Variants in RDH12 observed in about 807,000 individuals in gnomAD.
RDH12 encodes the protein retinol dehydrogenase 12.
In RDH12, 21 loss-of-function variants were observed where a neutral mutation model predicts 34.0. The observed-to-expected ratio is 0.62, with a 90% CI of 0.44 to 0.89. The LOEUF is 0.89. Among genes scored for constraint, RDH12 ranks in the 40% least tolerant of loss-of-function variants. The pLI, the probability that RDH12 is intolerant of heterozygous loss-of-function variation, is 0.00. For missense variants in RDH12, 394 were observed against 398.6 expected, an observed-to-expected ratio of 0.99 and a Z score of 0.10; for synonymous variants, 198 against 169.9, an observed-to-expected ratio of 1.17 and a Z score of -1.29.
rs143545860 is a variant in RDH12, at chr14:67,732,075, C to T, written c.849-1671C>T. ...CTGGGAGGCGGAGGCTGCAGTAAGCCGAGATCACTCCACTGCACTCCAGCC... is the reference window on the plus strand; with the variant it reads ...CTGGGAGGCGGAGGCTGCAGTAAGCTGAGATCACTCCACTGCACTCCAGCC... On this transcript the variant is annotated intron_variant, in intron 8 of 8. Transcript: ENST00000551171. Among the ~76,000 whole-genome samples, 483 of 147,416 alleles carry T rather than the reference C, an allele frequency of 3.3e-3. 4 individuals are homozygous for T. Among genetic ancestry groups the T allele is most frequent in the African/African-American group, 0.012 (460 of 39,624 alleles).
chr14:67,727,091 G>A lies in RDH12; in HGVS notation c.559G>A (p.Asp187Asn), dbSNP rs115356583. 8 of 1,614,150 alleles carry A rather than the reference G, an allele frequency of 5.0e-6. No homozygotes were observed. Among genetic ancestry groups the A allele is most frequent in the African/African-American group, 2.7e-5 (2 of 75,060 alleles). ...CCACATTGGCAAGATTCCCTTCCACGACCTCCAGAGCGAGAAGCGCTACAG... is the reference window on the plus strand; with the variant it reads ...CCACATTGGCAAGATTCCCTTCCACAACCTCCAGAGCGAGAAGCGCTACAG... ...AHHIGKIPFHDLQSEKRYSRG... is the reference protein window; with the variant it reads ...AHHIGKIPFHNLQSEKRYSRG... The change falls in exon 7 of 9, where the codon GAC (aspartate) becomes AAC (asparagine). Residue 187 changes from aspartate (D) to asparagine (N), a missense_variant. Coordinates refer to ENST00000551171, the MANE Select transcript of RDH12 (RefSeq NM_152443.3).
At chr14:67,706,470 G>T (rs1770497905) in intron 1 of RDH12, among the ~76,000 whole-genome samples, 1 of 152,162 alleles carries the variant, frequency 6.6e-6, no homozygotes, top group Non-Finnish European at 1.5e-5. Context: ...GGGAGACACG[G>T]GACATCAATC....
intron 5 of RDH12, 68 bp from the exon 6 acceptor site, chr14:67,725,983 G>T (rs2038180446): frequency 9.8e-7 from 1 of 1,022,488 alleles, no homozygotes; most frequent in Non-Finnish European, 1.6e-6. Context: ...GGGCAATTAT[G>T]CAGGTCTGTT....
intron 8 of RDH12, among the ~76,000 whole-genome samples, chr14:67,731,978 T>C (rs2038282394): frequency 6.6e-6 from 1 of 151,442 alleles, no homozygotes; most frequent in African/African-American, 2.4e-5. Flanking sequence ...ATACAAAAAA[T>C]TAGCTGATCA....
Position 67,722,588 on chromosome 14 carries a change from TG to T in RDH12, c.-51del. On this transcript the variant is annotated 5_prime_UTR_variant, in exon 3 of 9. Coordinates refer to ENST00000551171, the MANE Select transcript of RDH12 (RefSeq NM_152443.3). ...CCAGACCAGGAACCTGAGCCAGAGCTGGGGTTGAAGCTGGAGCAGCAGCAAA... is the reference window on the plus strand; with the variant it reads ...CCAGACCAGGAACCTGAGCCAGAGCTGGGTTGAAGCTGGAGCAGCAGCAAA... The T allele has an allele frequency of 1.4e-6, 2 of 1,469,362 alleles. No homozygotes were observed. Among genetic ancestry groups the T allele is most frequent in the Non-Finnish European group, 1.9e-6 (2 of 1,048,028 alleles). 91.0% of individuals were successfully genotyped at this position (1,469,362 alleles called of 1,614,324 possible). A position where few individuals can be genotyped will look rare whatever the true frequency, so the allele number is the denominator to read the frequency against.
intron 1 of RDH12, among the ~76,000 whole-genome samples, chr14:67,712,657 C>T (rs992645854): frequency 3.3e-5 from 5 of 152,108 alleles, no homozygotes; most frequent in Admixed American, 6.5e-5. Flanking sequence ...AATCTCATTA[C>T]TATATTTCAT....
intron 8 of RDH12, 68 bp from the exon 9 acceptor site, chr14:67,733,677 AG>A (rs755140910): frequency 1.1e-5 from 11 of 1,000,488 alleles, no homozygotes; most frequent in Non-Finnish European, 1.6e-5. Flanking sequence ...ATTCTGAGAA[AG>A]GGACCATAAA....
intron 1 of RDH12, among the ~76,000 whole-genome samples, chr14:67,720,635 G>A (rs898213051): frequency 3.3e-5 from 5 of 152,076 alleles, no homozygotes; most frequent in Non-Finnish European, 7.4e-5. Context: ...ATGTGTATTT[G>A]GGTCTATTTC....
intron 1 of RDH12, among the ~76,000 whole-genome samples, chr14:67,707,965 A>G (rs1232574908): frequency 1.3e-5 from 2 of 152,338 alleles, no homozygotes; most frequent in South Asian, 2.1e-4. Context: ...GGGAAAGCAC[A>G]CCATTCCAGT....
intron 1 of RDH12, among the ~76,000 whole-genome samples, chr14:67,720,202 C>T (rs190490752): frequency 1.1e-3 from 163 of 152,226 alleles, no homozygotes; most frequent in African/African-American, 3.8e-3. Flanking sequence ...CTTGTATTTC[C>T]TTTTTTGTAA....
At chr14:67,726,870 T>C in intron 6 of RDH12, 111 bp from the exon 7 acceptor site, 2 of 889,428 alleles carry the variant, frequency 2.2e-6, no homozygotes, top group Non-Finnish European at 3.6e-6. Flanking sequence ...GGCATCAAAA[T>C]TGGTTCACAC....
chr14:67,726,700 C>A (rs939649563), intron 6 of RDH12, among the ~76,000 whole-genome samples: 1 of 152,136 alleles, frequency 6.6e-6, no homozygotes, highest in Admixed American at 6.5e-5. Flanking sequence ...CCTAGTTATG[C>A]GATCATGGCC....
intron 7 of RDH12, 102 bp from the exon 8 acceptor site, chr14:67,729,089 C>T: frequency 8.3e-7 from 1 of 1,210,220 alleles, no homozygotes; most frequent in Non-Finnish European, 1.2e-6. Context: ...GGTTATGTTT[C>T]CTGAGTCCCT....
chr14:67,722,020 T>C (rs948949797), intron 2 of RDH12, among the ~76,000 whole-genome samples: 3 of 152,100 alleles, frequency 2.0e-5, no homozygotes, highest in African/African-American at 7.2e-5. Context: ...ACTCAGCAGA[T>C]TTTCATAAAG....
chr14:67,725,061 G>A (rs1346634059), intron 4 of RDH12, 38 bp from the exon 5 acceptor site: 11 of 1,612,288 alleles, frequency 6.8e-6, no homozygotes, highest in Non-Finnish European at 8.5e-6. Flanking sequence ...TATAGCCTAG[G>A]ATATGAACAT....
chr14:67,720,373 T>C (rs924338955), intron 1 of RDH12, among the ~76,000 whole-genome samples: 4 of 152,236 alleles, frequency 2.6e-5, no homozygotes, highest in African/African-American at 9.6e-5. Flanking sequence ...GTCATGCTCA[T>C]TTTTTAAGTT....
Position 67,733,763 on chromosome 14 carries a change from G to T in RDH12, c.866G>T (p.Trp289Leu). The T allele has an allele frequency of 6.2e-7, 1 of 1,612,886 alleles. No homozygotes were observed. Among genetic ancestry groups the T allele is most frequent in the South Asian group, 1.1e-5 (1 of 91,018 alleles). The change falls in exon 9 of 9, where the codon TGG becomes TTG. Residue 289 changes from tryptophan (W) to leucine (L), a missense_variant. Coordinates refer to ENST00000551171, the MANE Select transcript of RDH12 (RefSeq NM_152443.3). ...GKYFSDCKRTWVSPRARNNKT... is the reference protein window; with the variant it reads ...GKYFSDCKRTLVSPRARNNKT... Reference sequence around the variant, plus strand: ...CCCTCCAGTGACTGCAAGAGGACCTGGGTGTCTCCAAGGGCCCGAAATAAC... The same window carrying T: ...CCCTCCAGTGACTGCAAGAGGACCTTGGTGTCTCCAAGGGCCCGAAATAAC...
At chr14:67,723,982 G>T (rs887775847) in intron 3 of RDH12, among the ~76,000 whole-genome samples, 6 of 152,236 alleles carry the variant, frequency 3.9e-5, no homozygotes, top group African/African-American at 1.4e-4. Flanking sequence ...ATCAGTACCT[G>T]TGTATGCCAT....
In RDH12 at chr14:67,729,352, C is replaced by T; in HGVS notation, c.820C>T (p.Leu274=). ...TSLHCALAEG[L]EPLSGKYFSD... ...CCTGCACTGCGCCCTGGCTGAGGGCCTGGAGCCCCTGAGTGGCAAGTACTT... is the reference window on the plus strand; with the variant it reads ...CCTGCACTGCGCCCTGGCTGAGGGCTTGGAGCCCCTGAGTGGCAAGTACTT... The change falls in exon 8 of 9, where the codon CTG becomes TTG. Residue 274 remains leucine, a synonymous_variant. Transcript: ENST00000551171. 6.3e-7 allele frequency: 1 copy of T among 1,598,168 alleles called. No individual in the cohort carries two copies. Among genetic ancestry groups the T allele is most frequent in the Non-Finnish European group, 8.5e-7 (1 of 1,179,804 alleles).
Sources: allele counts gnomAD v4.1 joint callset (sites outside exome capture counted in the v4.1 genomes callset), GRCh38; gene constraint gnomAD v4.1.1; transcripts MANE v1.5; gene names NCBI Gene and HGNC (gene_info 2026-07-23, HGNC 2026-07-21).